The following ZNF726 variants were observed in gnomAD, a reference collection of about 807,000 sequenced individuals.
The protein encoded by ZNF726 is zinc finger protein 92 pseudogene 3.
Under a neutral mutation model 11.6 loss-of-function variants are expected in ZNF726, and 15 were observed. The ratio of observed to expected loss-of-function variants is 1.29; its 90% CI spans 0.86 to 1.99. The LOEUF is 1.99. Among genes scored for constraint, ZNF726 ranks in the 30% most tolerant of loss-of-function variants. The probability of loss-of-function intolerance (pLI) is 0.00; values close to 1 mark genes in which losing one functional copy is unlikely to be tolerated. For missense variants in ZNF726, 890 were observed against 725.6 expected, an observed-to-expected ratio of 1.23 and a Z score of -2.60; for synonymous variants, 295 against 243.6, an observed-to-expected ratio of 1.21 and a Z score of -1.96.
At chr19:23,935,004 C>T (rs1968203669), downstream of ZNF726, among the ~76,000 whole-genome samples, 1 of 152,194 alleles carries the variant, frequency 6.6e-6, no homozygotes, top group Non-Finnish European at 1.5e-5. Flanking sequence ...ATTTCAGACA[C>T]CATAGCATGG....
At chr19:23,939,113 C>T (rs1235944303), downstream of ZNF726, among the ~76,000 whole-genome samples, 1 of 151,676 alleles carries the variant, frequency 6.6e-6, no homozygotes, top group African/African-American at 2.4e-5. Context: ...TCTTTTATCC[C>T]TCCCCCTTCC....
chr19:23,918,783 A>G (rs1034965553), intron 1 of ZNF726, among the ~76,000 whole-genome samples: 21 of 149,802 alleles, frequency 1.4e-4, no homozygotes, highest in African/African-American at 5.2e-4. Flanking sequence ...GAAAGCTCTC[A>G]TCTTTGTTTA....
intron 3 of ZNF726, chr19:23,928,586 T>A (rs892706723): frequency 2.0e-5 from 3 of 152,126 alleles, no homozygotes; most frequent in Admixed American, 2.0e-4. Context: ...ACTACCAATG[T>A]TTGTCTCACG....
intron 3 of ZNF726, among the ~76,000 whole-genome samples, chr19:23,931,526 AT>A (rs1364052712): frequency 6.6e-6 from 1 of 152,102 alleles, no homozygotes; most frequent in African/African-American, 2.4e-5. Context: ...AGAAAATTTT[AT>A]GATATTTTTG....
intron 1 of ZNF726, among the ~76,000 whole-genome samples, chr19:23,917,707 T>C (rs1967738701): frequency 6.6e-6 from 1 of 152,198 alleles, no homozygotes; most frequent in South Asian, 2.1e-4. Flanking sequence ...AAATAATACA[T>C]TTACTGTCTG....
At chr19:23,921,367 C>T (rs1424721807) in intron 3 of ZNF726, 1 of 152,284 alleles carries the variant, frequency 6.6e-6, no homozygotes, top group East Asian at 1.9e-4. Context: ...CTCAAGATTG[C>T]TTTGGCTATT....
chr19:23,924,951 A>T (rs1462971394), intron 3 of ZNF726, among the ~76,000 whole-genome samples: 2 of 152,166 alleles, frequency 1.3e-5, no homozygotes, highest in Non-Finnish European at 2.9e-5. Flanking sequence ...TATGCAAAAG[A>T]CTTCTAGAAA....
At chr19:23,944,364 G>A (rs1968385196) in intron 4 of ZNF726, 1 of 152,102 alleles carries the variant, frequency 6.6e-6, no homozygotes, top group Non-Finnish European at 1.5e-5. Context: ...TCTTTGAGTA[G>A]ATACCCAATG....
At chr19:23,937,208 C>T (rs1156357305), downstream of ZNF726, among the ~76,000 whole-genome samples, 19 of 151,186 alleles carry the variant, frequency 1.3e-4, no homozygotes, top group East Asian at 6.0e-4. Context: ...ACCTCCCTCC[C>T]GGACGGGGCG....
chr19:23,937,369 G>A (rs933148771), downstream of ZNF726, among the ~76,000 whole-genome samples: 11 of 151,488 alleles, frequency 7.3e-5, no homozygotes, highest in African/African-American at 2.7e-4. Context: ...CTGGGCGGAG[G>A]GGCTCCTCAC....
In ZNF726 at chr19:23,932,760, C is replaced by A; in HGVS notation, c.644C>A (p.Thr215Asn). 1.2e-6 allele frequency: 2 copies of A among 1,613,004 alleles called. No homozygotes were observed. The highest frequency in any genetic ancestry group is 1.7e-6 in the Non-Finnish European group (2 of 1,179,696). Reference protein sequence around the residue: ...ECGKTFNWSSTLTNHKKTHTE... With the variant: ...ECGKTFNWSSNLTNHKKTHTE... ...GGAAAAACCTTTAATTGGTCCTCAA[C>A]CCTTACTAATCATAAGAAAACTCAT... The change falls in exon 4 of 4, where the codon ACC becomes AAC. Residue 215 changes from threonine to asparagine, a missense_variant. Physicochemically the swap from Thr to Asn is moderately conservative, Grantham distance 65. Transcript: ENST00000594466.
intron 3 of ZNF726, among the ~76,000 whole-genome samples, chr19:23,941,841 G>T (rs1968343647): frequency 6.6e-6 from 1 of 151,914 alleles, no homozygotes; most frequent in South Asian, 2.1e-4. Context: ...TTCTCAGTGA[G>T]GTTATTTGGA....
chr19:23,936,390 CTT>C (rs551507692), downstream of ZNF726, among the ~76,000 whole-genome samples: 1,048 of 151,998 alleles, frequency 6.9e-3, 15 homozygotes, highest in African/African-American at 0.024. Flanking sequence ...CAAAGTATAA[CTT>C]TTTTTTGAAA....
At chr19:23,924,600 C>T (rs1405873539) in intron 3 of ZNF726, among the ~76,000 whole-genome samples, 1 of 152,080 alleles carries the variant, frequency 6.6e-6, no homozygotes, top group Non-Finnish European at 1.5e-5. Context: ...ATGTACATGT[C>T]AGGGCGAGGC....
chr19:23,925,713 CTTT>C (rs1207103965), intron 3 of ZNF726, among the ~76,000 whole-genome samples: 7 of 112,610 alleles, frequency 6.2e-5, no homozygotes, highest in African/African-American at 1.9e-4. Context: ...TTTTTCTTTT[CTTT>C]TTTTTTTTTT....
intron 3 of ZNF726, among the ~76,000 whole-genome samples, chr19:23,923,237 C>T (rs1967897454): frequency 6.6e-6 from 1 of 151,926 alleles, no homozygotes; most frequent in Non-Finnish European, 1.5e-5. Context: ...TGCTTCTAAA[C>T]TTGGATTACA....
At chr19:23,944,035 T>A (rs2145008728) in intron 4 of ZNF726, 1 of 152,552 alleles carries the variant, frequency 6.6e-6, no homozygotes, top group East Asian at 1.9e-4. Flanking sequence ...GTTACTTATT[T>A]CTCTATTTTC....
downstream of ZNF726, among the ~76,000 whole-genome samples, chr19:23,936,500 C>T (rs888554389): frequency 2.0e-4 from 31 of 151,948 alleles, no homozygotes; most frequent in African/African-American, 4.6e-4. Flanking sequence ...AAACATGTGA[C>T]TAATTGTAGC....
downstream of ZNF726, among the ~76,000 whole-genome samples, chr19:23,937,592 C>CA (rs554089235): frequency 6.7e-6 from 1 of 150,006 alleles, no homozygotes; most frequent in Non-Finnish European, 1.5e-5. Context: ...GGGATGGCGG[C>CA]CGGGAAGAGG....
Sources: gnomAD v4.1 joint callset for allele counts (sites outside exome capture counted in the v4.1 genomes callset) on GRCh38, gnomAD v4.1.1 for gene constraint, MANE v1.5 for transcripts, NCBI Gene and HGNC (gene_info 2026-07-23, HGNC 2026-07-21) for gene names.